TXNDC16: variants seen among roughly 807,000 people sequenced by gnomAD.
TXNDC16 encodes thioredoxin domain-containing protein 16.
TXNDC16 carries 74 observed loss-of-function variants against 85.6 expected under a neutral mutation model. That is an observed-to-expected ratio of 0.86 (90% confidence interval 0.72 to 1.05). The LOEUF is 1.05. Among genes scored for constraint, TXNDC16 ranks in the 50% least tolerant of loss-of-function variants. TXNDC16 has a pLI of 0.00. For synonymous variants in TXNDC16, 335 were observed against 326.5 expected (o/e 1.03, Z -0.28); for missense variants, 959 against 947.0 (o/e 1.01, Z -0.17).
intron 5 of TXNDC16, among the ~76,000 whole-genome samples, chr14:52,537,273 A>G (rs780386784): frequency 1.3e-5 from 2 of 152,204 alleles, no homozygotes; most frequent in Non-Finnish European, 2.9e-5. Flanking sequence ...AATAAAGCAC[A>G]TTTATTTCAC....
At chr14:52,494,732 C>A (rs1202225281) in intron 9 of TXNDC16, among the ~76,000 whole-genome samples, 1 of 152,200 alleles carries the variant, frequency 6.6e-6, no homozygotes, top group African/African-American at 2.4e-5. Context: ...TGCATGAACT[C>A]ATGATCACAT....
At chr14:52,466,723 G>A (rs995367675) in intron 16 of TXNDC16, among the ~76,000 whole-genome samples, 4 of 151,540 alleles carry the variant, frequency 2.6e-5, no homozygotes, top group Non-Finnish European at 4.4e-5. Flanking sequence ...AAAAATTAGC[G>A]GGGCATGGTG....
At chr14:52,527,589 G>T (rs2037366698) in intron 6 of TXNDC16, among the ~76,000 whole-genome samples, 1 of 152,040 alleles carries the variant, frequency 6.6e-6, no homozygotes. Context: ...TATAAACTCG[G>T]AGATTAATAA....
intron 9 of TXNDC16, among the ~76,000 whole-genome samples, chr14:52,500,381 G>A (rs1201356735): frequency 6.6e-6 from 1 of 152,188 alleles, no homozygotes; most frequent in East Asian, 1.9e-4. Flanking sequence ...ATAACTCAGT[G>A]TATATGTGGT....
In TXNDC16 at chr14:52,491,399, T is replaced by A. The variant is rs1468987623; in HGVS notation, c.757-394A>T. Among the ~76,000 whole-genome samples, 5 of 149,394 alleles carry A rather than the reference T, an allele frequency of 3.3e-5. No homozygotes were observed. The Admixed American group carries it at 3.4e-4, about 10-fold the overall frequency. The stretch of plus-strand genomic sequence containing the variant: ...TTTTTGTAGAGACGAGGTCTCCCTA[T>A]GTTGCCCAGGCTGGTCTTGAACTCC... On this transcript the variant is annotated intron_variant, in intron 9 of 20. Transcript: ENST00000281741.
chr14:52,456,128 G>A (rs1371386292), intron 17 of TXNDC16, among the ~76,000 whole-genome samples: 1 of 152,198 alleles, frequency 6.6e-6, no homozygotes, highest in East Asian at 1.9e-4. Context: ...TAGTGAAGTA[G>A]TCATGTATAA....
At chr14:52,535,511 A>T (rs2140220718) in intron 6 of TXNDC16, among the ~76,000 whole-genome samples, 2 of 152,200 alleles carry the variant, frequency 1.3e-5, no homozygotes, top group Non-Finnish European at 2.9e-5. Flanking sequence ...GGAAGAGGAG[A>T]CCCAAGCAGA....
At chr14:52,489,872 G>A (rs2036360245) in intron 11 of TXNDC16, among the ~76,000 whole-genome samples, 1 of 152,278 alleles carries the variant, frequency 6.6e-6, no homozygotes, top group East Asian at 1.9e-4. Flanking sequence ...GTCTGTCTCT[G>A]TCACCCAGGG....
At chr14:52,524,046 C>T (rs183719123) in intron 6 of TXNDC16, among the ~76,000 whole-genome samples, 2 of 152,308 alleles carry the variant, frequency 1.3e-5, no homozygotes, top group South Asian at 2.1e-4. Flanking sequence ...ATGTCATTAT[C>T]GAACAGGAAC....
At chr14:52,523,519 G>C (rs1420676082) in intron 6 of TXNDC16, among the ~76,000 whole-genome samples, 1 of 152,102 alleles carries the variant, frequency 6.6e-6, no homozygotes, top group Non-Finnish European at 1.5e-5. Context: ...GGAAAAAAAA[G>C]ACAGAGAGAA....
At chr14:52,529,731 T>C (rs1429911279) in intron 6 of TXNDC16, among the ~76,000 whole-genome samples, 2 of 118,624 alleles carry the variant, frequency 1.7e-5, no homozygotes, top group Non-Finnish European at 3.2e-5. Flanking sequence ...ATATATTATA[T>C]ATAATGCCTA....
chr14:52,552,237 G>C (rs1435924964), intron 1 of TXNDC16, 79 bp downstream of exon 1: 9 of 152,358 alleles, frequency 5.9e-5, no homozygotes, highest in Non-Finnish European at 1.3e-4. Context: ...TGCAGCCCTG[G>C]CTACAGAAAG....
At chr14:52,535,816 A>C (rs2037686985) in intron 6 of TXNDC16, among the ~76,000 whole-genome samples, 1 of 152,148 alleles carries the variant, frequency 6.6e-6, no homozygotes, top group South Asian at 2.1e-4. Context: ...TAGAGAATCC[A>C]GAAAGAAACC....
rs775481490 is a variant in TXNDC16 at position 52,536,721 on chromosome 14, G to C, written c.390C>G (p.Leu130=). Residue 130 remains leucine (L), a splice_region_variant and synonymous_variant, in exon 6 of 21, where the codon CTC becomes CTG. Coordinates refer to ENST00000281741, the MANE Select transcript of TXNDC16 (RefSeq NM_020784.3). ...FDVNAIVAHV[L]FALLFSEVKY... is the part of the protein sequence containing the mutation. ...GAATGTGTAGCCCCTGTACTTACAA[G>C]AGAACATGGGCGACAATGGCATTCA... 1.9e-6 allele frequency: 3 copies of C among 1,607,956 alleles called. No individual in the cohort carries two copies. Among genetic ancestry groups the C allele is most frequent in the Non-Finnish European group, 2.6e-6 (3 of 1,176,320 alleles).
intron 6 of TXNDC16, among the ~76,000 whole-genome samples, chr14:52,524,478 T>C (rs2037280625): frequency 6.6e-6 from 1 of 152,216 alleles, no homozygotes; most frequent in Admixed American, 6.5e-5. Context: ...TGATGATTTT[T>C]TTCTTTTGCA....
Position 52,529,793 on chromosome 14 carries a change from A to T in TXNDC16, c.392+6926T>A, listed in dbSNP as rs538539129. The stretch of plus-strand genomic sequence containing the variant: ...TATATATACCTAGTATATATTATAT[A>T]ATAATTATATATGACACCTATTATA... On this transcript the variant is annotated intron_variant, in intron 6 of 20. Transcript: ENST00000281741. 2.9e-3 allele frequency among the ~76,000 whole-genome samples: 339 copies of T among 116,948 alleles called. 2 individuals carry two copies. Among genetic ancestry groups the T allele is most frequent in the African/African-American group, 0.012 (331 of 28,492 alleles). 76.7% of individuals were successfully genotyped at this position (116,948 alleles called of 152,430 possible).
At position 52,543,416 on chromosome 14, in the gene TXNDC16, C is replaced by G. The variant is rs2037875372; in HGVS notation, c.142G>C (p.Ala48Pro). ...STLQPGKASL[A>P]YFCQADSPRT... ...TACTTACCAGCTTGACAAAAATAAGCTAAAGAGGCTTTTCCTGGTTGCAAT... is the reference window on the plus strand; with the variant it reads ...TACTTACCAGCTTGACAAAAATAAGGTAAAGAGGCTTTTCCTGGTTGCAAT... The change falls in exon 3 of 21, where the codon GCT becomes CCT. Residue 48 changes from alanine to proline, a missense_variant. Ala to Pro is a conservative substitution (Grantham distance 27). Transcript: ENST00000281741. 1 of 1,607,616 alleles carries G rather than the reference C, an allele frequency of 6.2e-7. No individual in the cohort carries two copies. Among genetic ancestry groups the G allele is most frequent in the Non-Finnish European group, 8.5e-7 (1 of 1,177,970 alleles).
intron 9 of TXNDC16, among the ~76,000 whole-genome samples, chr14:52,504,767 C>A: frequency 6.6e-6 from 1 of 152,160 alleles, no homozygotes; most frequent in Non-Finnish European, 1.5e-5. Context: ...TTAAAACACA[C>A]AGCCTGGCAA....
intron 10 of TXNDC16, 65 bp downstream of exon 10, chr14:52,490,774 T>A (rs2036381572): frequency 2.0e-6 from 3 of 1,528,524 alleles, no homozygotes; most frequent in Non-Finnish European, 2.7e-6. Flanking sequence ...TAAATTACCA[T>A]ATTTTAAAAC....
Sources: allele counts gnomAD v4.1 joint callset (sites outside exome capture counted in the v4.1 genomes callset), GRCh38; gene constraint gnomAD v4.1.1; transcripts MANE v1.5; gene names NCBI Gene and HGNC (gene_info 2026-07-23, HGNC 2026-07-21).